Variants in SEMA3E observed in about 807,000 individuals in gnomAD.
SEMA3E encodes semaphorin 3E.
Under a neutral mutation model 93.6 loss-of-function variants are expected in SEMA3E, and 49 were observed. The observed-to-expected ratio is 0.52, with a 90% CI of 0.42 to 0.66. SEMA3E has a LOEUF of 0.66. Among genes scored for constraint, SEMA3E ranks in the 30% least tolerant of loss-of-function variants. SEMA3E has a pLI of 0.00. For synonymous variants in SEMA3E, 363 were observed against 330.7 expected (o/e 1.10, Z -1.06); for missense variants, 906 against 964.8 (o/e 0.94, Z 0.81).
intron 1 of SEMA3E, among the ~76,000 whole-genome samples, chr7:83,494,074 A>G (rs1031736515): frequency 4.6e-5 from 7 of 151,872 alleles, no homozygotes; most frequent in Non-Finnish European, 7.4e-5. Flanking sequence ...CCTCTTTCCA[A>G]AAAGGATCTG....
chr7:83,466,505 T>G lies in SEMA3E; in HGVS notation c.433A>C (p.Ile145Leu). 6.2e-7 allele frequency: 1 copy of G among 1,613,988 alleles called. No individual in the cohort carries two copies. The highest frequency in any genetic ancestry group is 8.5e-7 in the Non-Finnish European group (1 of 1,179,966). The change falls in exon 4 of 17, where the codon ATC (isoleucine) becomes CTC (leucine). Residue 145 changes from isoleucine to leucine, a missense_variant. By Grantham distance (5) the Ile-to-Leu change is conservative. Coordinates refer to ENST00000643230, the MANE Select transcript of SEMA3E (RefSeq NM_012431.3). Reference sequence around the variant, plus strand: ...ACCTCCAAATGATATCCAACTCTGATGAAGGCACAAACTGGATCAAAAGCT... The same window carrying G: ...ACCTCCAAATGATATCCAACTCTGAGGAAGGCACAAACTGGATCAAAAGCT... ...TGAFDPVCAF[I>L]RVGYHLEDPL...
chr7:83,614,562 GA>G (rs1793326955), intron 1 of SEMA3E, among the ~76,000 whole-genome samples: 1 of 152,056 alleles, frequency 6.6e-6, no homozygotes, highest in Non-Finnish European at 1.5e-5. Flanking sequence ...CAATAAAAAA[GA>G]AACCCCCAAA....
rs1166753097 is a variant in SEMA3E at position 83,385,190 on chromosome 7, G to A, written c.1875+104C>T. On this transcript the variant is annotated intron_variant, in intron 16 of 16. Coordinates refer to ENST00000643230, the MANE Select transcript of SEMA3E (RefSeq NM_012431.3). ...TGACTTATTAAATAAGGCATGCATAGTACAACAGCTAGCTTCATTTTTCAG... is the reference window on the plus strand; with the variant it reads ...TGACTTATTAAATAAGGCATGCATAATACAACAGCTAGCTTCATTTTTCAG... The A allele has an allele frequency of 6.2e-6, 8 of 1,280,086 alleles. No homozygotes were observed. The Middle Eastern group carries it at 5.7e-4, about 92-fold the overall frequency. 79.3% of individuals were successfully genotyped at this position (1,280,086 alleles called of 1,614,324 possible). A position where few individuals can be genotyped will look rare whatever the true frequency, so the allele number is the denominator to read the frequency against.
At position 83,402,676 on chromosome 7, in the gene SEMA3E, A is replaced by G. The variant is rs766196746; in HGVS notation, c.1099T>C (p.Trp367Arg). The G allele has an allele frequency of 1.2e-6, 2 of 1,612,988 alleles. No individual in the cohort carries two copies. Among genetic ancestry groups the G allele is most frequent in the Admixed American group, 1.7e-5 (1 of 59,942 alleles). The part of the protein sequence containing the change: ...YAHKEGPEYH[W>R]SVYEGKVPYP... ...GGGACTTTTCCTTCATAGACTGACCAGTGGTATTCAGGTCCTTCCTTATGT... is the reference window on the plus strand; with the variant it reads ...GGGACTTTTCCTTCATAGACTGACCGGTGGTATTCAGGTCCTTCCTTATGT... Residue 367 changes from tryptophan to arginine, a missense_variant, in exon 10 of 17, where the codon TGG becomes CGG. Trp to Arg is a moderately radical substitution (Grantham distance 101). Transcript: ENST00000643230.
At chr7:83,396,915 C>T (rs1468884393) in intron 11 of SEMA3E, among the ~76,000 whole-genome samples, 186 bp from the exon 12 acceptor site, 1 of 151,754 alleles carries the variant, frequency 6.6e-6, no homozygotes, top group East Asian at 1.9e-4. Context: ...CCTGTCTCTA[C>T]TAAAAATACA....
chr7:83,509,778 T>C (rs1415660205), intron 1 of SEMA3E, among the ~76,000 whole-genome samples: 1 of 152,194 alleles, frequency 6.6e-6, no homozygotes, highest in Non-Finnish European at 1.5e-5. Flanking sequence ...TTTCCCCAGG[T>C]AATTCTAATG....
intron 2 of SEMA3E, among the ~76,000 whole-genome samples, chr7:83,473,400 C>T (rs759951292): frequency 2.0e-5 from 3 of 152,140 alleles, no homozygotes; most frequent in Non-Finnish European, 2.9e-5. Context: ...TGTTTGTTCC[C>T]TTAAAGTCTC....
intron 1 of SEMA3E, among the ~76,000 whole-genome samples, chr7:83,542,982 A>G (rs1377253290): frequency 2.1e-5 from 3 of 144,666 alleles, no homozygotes; most frequent in Non-Finnish European, 4.6e-5. Flanking sequence ...GTGATGCTTT[A>G]TATATGTACA....
intron 1 of SEMA3E, among the ~76,000 whole-genome samples, chr7:83,535,653 T>C (rs889487121): frequency 5.9e-5 from 9 of 152,154 alleles, no homozygotes; most frequent in African/African-American, 1.7e-4. Flanking sequence ...CTTTTTATAA[T>C]CTAAGAAGTA....
intron 16 of SEMA3E, among the ~76,000 whole-genome samples, chr7:83,383,486 A>C (rs1447831678): frequency 6.6e-6 from 1 of 151,936 alleles, no homozygotes; most frequent in Non-Finnish European, 1.5e-5. Flanking sequence ...GTTTTGTTTT[A>C]TATTGTGAAT....
chr7:83,415,072 CTG>C (rs1315209867), intron 5 of SEMA3E, among the ~76,000 whole-genome samples: 2 of 152,020 alleles, frequency 1.3e-5, no homozygotes, highest in Non-Finnish European at 2.9e-5. Flanking sequence ...ATAAAGAACA[CTG>C]TTTCCTGGAT....
chr7:83,546,575 C>T (rs1791655559), intron 1 of SEMA3E, among the ~76,000 whole-genome samples: 1 of 151,892 alleles, frequency 6.6e-6, no homozygotes, highest in Non-Finnish European at 1.5e-5. Flanking sequence ...GTTTTTCTTC[C>T]ATTAGCTGAT....
intron 1 of SEMA3E, among the ~76,000 whole-genome samples, chr7:83,619,054 C>T (rs1231506742): frequency 6.6e-6 from 1 of 151,818 alleles, no homozygotes; most frequent in African/African-American, 2.4e-5. Context: ...AAAACTATAA[C>T]TCCTTCTGTT....
intron 1 of SEMA3E, among the ~76,000 whole-genome samples, chr7:83,606,071 T>G (rs1793111130): frequency 6.6e-6 from 1 of 152,186 alleles, no homozygotes; most frequent in African/African-American, 2.4e-5. Context: ...CAATTACCCT[T>G]CCGTAAGCAG....
intron 1 of SEMA3E, among the ~76,000 whole-genome samples, chr7:83,563,768 C>A (rs1429669047): frequency 6.6e-6 from 1 of 151,966 alleles, no homozygotes; most frequent in Non-Finnish European, 1.5e-5. Context: ...AAAAATGATT[C>A]TCTCCTCTCC....
intron 4 of SEMA3E, among the ~76,000 whole-genome samples, chr7:83,446,580 G>GA (rs1789235310): frequency 6.6e-6 from 1 of 152,160 alleles, no homozygotes; most frequent in South Asian, 2.1e-4. Flanking sequence ...TGAAAGAGTG[G>GA]AAAAGCAGTG....
intron 16 of SEMA3E, among the ~76,000 whole-genome samples, chr7:83,369,608 G>A (rs1794724096): frequency 6.6e-6 from 1 of 152,104 alleles, no homozygotes; most frequent in Admixed American, 6.6e-5. Context: ...GTCCTGGTAG[G>A]CAGAATGCTG....
At chr7:83,609,647 ATTAAT>A (rs1176405754) in intron 1 of SEMA3E, among the ~76,000 whole-genome samples, 1 of 151,996 alleles carries the variant, frequency 6.6e-6, no homozygotes, top group East Asian at 1.9e-4. Context: ...ATCAACGGTG[ATTAAT>A]TTAACAATAA....
chr7:83,423,559 A>G (rs1317799129), intron 4 of SEMA3E, among the ~76,000 whole-genome samples: 1 of 147,698 alleles, frequency 6.8e-6, no homozygotes, highest in Non-Finnish European at 1.5e-5. Flanking sequence ...GCTGGAGTGC[A>G]GTGGCACCAT....
Sources: gnomAD v4.1 joint callset for allele counts (sites outside exome capture counted in the v4.1 genomes callset) on GRCh38, gnomAD v4.1.1 for gene constraint, MANE v1.5 for transcripts, NCBI Gene and HGNC (gene_info 2026-07-23, HGNC 2026-07-21) for gene names.